The following ST6GAL2 variants were observed in gnomAD, a reference collection of about 807,000 sequenced individuals.
ST6GAL2 encodes ST6 beta-galactoside alpha-2,6-sialyltransferase 2.
In ST6GAL2, 24 loss-of-function variants were observed where a neutral mutation model predicts 37.5. The ratio of observed to expected loss-of-function variants is 0.64; its 90% CI spans 0.46 to 0.90. The LOEUF is 0.90. ST6GAL2 is among the 40% of genes least tolerant of loss of function. ST6GAL2 has a pLI of 0.00. For missense variants in ST6GAL2, 715 were observed against 712.7 expected (o/e 1.00, Z -0.04); for synonymous variants, 306 against 295.1 (o/e 1.04, Z -0.38).
chr2:106,884,934 T>TATATATATATATATATACAC (rs1425070594), intron 1 of ST6GAL2, among the ~76,000 whole-genome samples: 84 of 120,426 alleles, frequency 7.0e-4, no homozygotes, highest in African/African-American at 1.5e-3. Flanking sequence ...TATATATATA[T>TATATATATATATATATACAC]ACATACACAC....
At chr2:106,876,004 C>A (rs1368143479) in intron 1 of ST6GAL2, among the ~76,000 whole-genome samples, 1 of 152,124 alleles carries the variant, frequency 6.6e-6, no homozygotes, top group Admixed American at 6.6e-5. Flanking sequence ...CTCGTTCTGT[C>A]CCCAGGCTGA....
chr2:106,885,416 G>A (rs183200891), intron 1 of ST6GAL2, among the ~76,000 whole-genome samples: 5 of 152,248 alleles, frequency 3.3e-5, no homozygotes, highest in Admixed American at 3.3e-4. Flanking sequence ...ACTAGGAGGA[G>A]AGACCTGGAA....
At chr2:106,866,530 A>G (rs1678030818) in intron 1 of ST6GAL2, among the ~76,000 whole-genome samples, 2 of 152,238 alleles carry the variant, frequency 1.3e-5, no homozygotes, top group Admixed American at 1.3e-4. Context: ...GTGCAAGGTG[A>G]GTATGGTACC....
In ST6GAL2 at chr2:106,829,942, C is replaced by T. The variant is rs963765923; in HGVS notation, c.1318+124G>A. 7.6e-6 allele frequency: 7 copies of T among 921,332 alleles called. No individual in the cohort carries two copies. In the Admixed American group the frequency reaches 1.0e-4, roughly 13 times the overall value. 57.1% of individuals were successfully genotyped at this position (921,332 alleles called of 1,614,324 possible). A position where few individuals can be genotyped will look rare whatever the true frequency, so the allele number is the denominator to read the frequency against. On this transcript the variant is annotated intron_variant, in intron 5 of 5. Coordinates refer to ENST00000409382, the MANE Select transcript of ST6GAL2 (RefSeq NM_001142351.2). ...AAAAAAAAATCCAAAATCAGAAATA[C>T]TTCTGGTTCCAGGCATTTCAGATAA...
chr2:106,862,067 C>T (rs1409494044), intron 1 of ST6GAL2, among the ~76,000 whole-genome samples: 2 of 152,216 alleles, frequency 1.3e-5, no homozygotes, highest in African/African-American at 4.8e-5. Flanking sequence ...AAAGAAAGCA[C>T]TAATCAATCA....
chr2:106,884,930 T>TATATAC (rs368834649), intron 1 of ST6GAL2, among the ~76,000 whole-genome samples: 3 of 124,384 alleles, frequency 2.4e-5, no homozygotes, highest in Non-Finnish European at 4.9e-5. Context: ...TATATATATA[T>TATATAC]ATATACATAC....
chr2:106,883,939 T>C (rs1678853210), intron 1 of ST6GAL2, among the ~76,000 whole-genome samples: 1 of 152,222 alleles, frequency 6.6e-6, no homozygotes, highest in South Asian at 2.1e-4. Context: ...AACCTATCAT[T>C]TATTTACCTA....
chr2:106,829,084 A>G (rs1234990430), intron 5 of ST6GAL2, among the ~76,000 whole-genome samples: 1 of 152,204 alleles, frequency 6.6e-6, no homozygotes, highest in African/African-American at 2.4e-5. Flanking sequence ...ACAACACACT[A>G]TCCTGTGGTC....
chr2:106,840,351 T>C (rs1047786235), intron 2 of ST6GAL2, among the ~76,000 whole-genome samples: 6 of 152,234 alleles, frequency 3.9e-5, no homozygotes, highest in African/African-American at 1.4e-4. Flanking sequence ...CATTCATAAC[T>C]ATGTGGGTTT....
chr2:106,852,483 G>A (rs766129188), intron 1 of ST6GAL2, among the ~76,000 whole-genome samples: 57 of 152,318 alleles, frequency 3.7e-4, no homozygotes, highest in Admixed American at 6.5e-5. Context: ...AACCCACAAT[G>A]GGGATGCCTG....
In ST6GAL2 at chr2:106,802,842, C is replaced by T. The variant is rs1377055346; in HGVS notation, c.*3836G>A. The T allele has an allele frequency of 6.6e-6, 1 of 152,222 alleles. No homozygotes were observed. The highest frequency in any genetic ancestry group is 1.5e-5 in the Non-Finnish European group (1 of 68,056). The allele number at this position is 152,222 out of a possible 1,614,324, so 9.4% of individuals were successfully genotyped here. A position where few individuals can be genotyped will look rare whatever the true frequency, so the allele number is the denominator to read the frequency against. ...CCCACCTCACTCCCTTTCTCTGTCT[C>T]TTACCACAGCTAAGCAGAAATTCAA... On this transcript the variant is annotated 3_prime_UTR_variant, in exon 6 of 6. Transcript: ENST00000409382.
At chr2:106,838,335 C>T (rs1573247430) in intron 2 of ST6GAL2, among the ~76,000 whole-genome samples, 1 of 152,280 alleles carries the variant, frequency 6.6e-6, no homozygotes, top group Non-Finnish European at 1.5e-5. Context: ...AGGCCCCATT[C>T]ACCACATCAT....
intron 1 of ST6GAL2, among the ~76,000 whole-genome samples, chr2:106,870,842 C>T (rs1678232738): frequency 6.6e-6 from 1 of 152,126 alleles, no homozygotes; most frequent in Non-Finnish European, 1.5e-5. Flanking sequence ...ATTAAGATGG[C>T]ATAGCACGGC....
At chr2:106,810,266 A>T (rs1420941986) in intron 5 of ST6GAL2, among the ~76,000 whole-genome samples, 1 of 152,252 alleles carries the variant, frequency 6.6e-6, no homozygotes, top group Non-Finnish European at 1.5e-5. Flanking sequence ...ATATGTAAAT[A>T]GGCACACTTT....
In ST6GAL2 at chr2:106,803,875, A is replaced by G. The variant is rs1675334962; in HGVS notation, c.*2803T>C. ...CACAGAAGAACTATATGTTTATTGG[A>G]ATTCAGTAAATGTGGCATGTAAGGA... On this transcript the variant is annotated 3_prime_UTR_variant, in exon 6 of 6. Coordinates refer to ENST00000409382, the MANE Select transcript of ST6GAL2 (RefSeq NM_001142351.2). 6.6e-6 allele frequency: 1 copy of G among 152,196 alleles called. No individual in the cohort carries two copies. The highest frequency in any genetic ancestry group is 2.4e-5 in the African/African-American group (1 of 41,448). 9.4% of individuals were successfully genotyped at this position (152,196 alleles called of 1,614,324 possible).
chr2:106,861,759 T>C (rs1444507358), intron 1 of ST6GAL2, among the ~76,000 whole-genome samples: 3 of 152,018 alleles, frequency 2.0e-5, no homozygotes, highest in East Asian at 3.9e-4. Flanking sequence ...GCCTCCCGAA[T>C]AGCCGGGATT....
rs1361689728 is a variant in ST6GAL2 at position 106,804,660 on chromosome 2, T to C, written c.*2018A>G. ...ATCGAGACCACCCTGGCTAACACGG[T>C]GAAACCCTGTCTCTACTAAAAATAC... is the stretch of plus-strand genomic sequence containing the variant. On this transcript the variant is annotated 3_prime_UTR_variant, in exon 6 of 6. Coordinates refer to ENST00000409382, the MANE Select transcript of ST6GAL2 (RefSeq NM_001142351.2). The C allele has an allele frequency of 1.3e-5, 2 of 151,842 alleles. No homozygotes were observed. Among genetic ancestry groups the C allele is most frequent in the African/African-American group, 4.8e-5 (2 of 41,334 alleles). 9.4% of individuals were successfully genotyped at this position (151,842 alleles called of 1,614,324 possible). A position where few individuals can be genotyped will look rare whatever the true frequency, so the allele number is the denominator to read the frequency against.
chr2:106,867,051 G>A (rs550077766), intron 1 of ST6GAL2, among the ~76,000 whole-genome samples: 1 of 152,226 alleles, frequency 6.6e-6, no homozygotes, highest in East Asian at 1.9e-4. Flanking sequence ...AATTCAAGAG[G>A]CAAGGAAGAG....
chr2:106,861,802 T>C (rs934682054), intron 1 of ST6GAL2, among the ~76,000 whole-genome samples: 1 of 152,048 alleles, frequency 6.6e-6, no homozygotes, highest in Non-Finnish European at 1.5e-5. Flanking sequence ...GGCTAATTTT[T>C]GTATTTTTTG....
Sources: allele counts gnomAD v4.1 joint callset (sites outside exome capture counted in the v4.1 genomes callset), GRCh38; gene constraint gnomAD v4.1.1; transcripts MANE v1.5; gene names NCBI Gene and HGNC (gene_info 2026-07-23, HGNC 2026-07-21).